The following TTC6 variants were observed in gnomAD, a reference collection of about 807,000 sequenced individuals.
The protein encoded by TTC6 is tetratricopeptide repeat domain 6.
Under a neutral mutation model 210.4 loss-of-function variants are expected in TTC6, and 172 were observed. That is an observed-to-expected ratio of 0.82 (90% CI 0.72 to 0.93). The LOEUF (loss-of-function observed/expected upper bound fraction) is 0.93, where lower values mean the gene tolerates loss of function less well. Ranked by LOEUF, TTC6 falls within the 40% of genes least tolerant of loss-of-function variation. TTC6 has a pLI of 0.00. For missense variants in TTC6, 2,414 were observed against 2,318.1 expected (o/e 1.04, Z -0.85); for synonymous variants, 804 against 819.6 (o/e 0.98, Z 0.32).
intron 20 of TTC6, among the ~76,000 whole-genome samples, chr14:37,797,503 T>G (rs1300606065): frequency 6.6e-6 from 1 of 152,026 alleles, no homozygotes; most frequent in Non-Finnish European, 1.5e-5. Flanking sequence ...TCTCTTGTTC[T>G]TACTGATTTT....
chr14:37,654,326 G>A (rs1366356760), intron 1 of TTC6, among the ~76,000 whole-genome samples: 1 of 152,038 alleles, frequency 6.6e-6, no homozygotes, highest in Non-Finnish European at 1.5e-5. Context: ...TCCGTGATGT[G>A]GTTGTTTCAC....
chr14:37,744,637 G>C (rs777438108), intron 10 of TTC6, among the ~76,000 whole-genome samples: 2 of 152,198 alleles, frequency 1.3e-5, no homozygotes, highest in Non-Finnish European at 2.9e-5. Context: ...TTGCAGGCCA[G>C]AGTAAATTTG....
intron 1 of TTC6, among the ~76,000 whole-genome samples, chr14:37,628,882 G>T (rs1470006037): frequency 6.6e-6 from 1 of 152,124 alleles, no homozygotes; most frequent in Non-Finnish European, 1.5e-5. Context: ...CCCACTGCTT[G>T]TTTTTGTCAG....
intron 14 of TTC6, among the ~76,000 whole-genome samples, chr14:37,759,020 C>T (rs555320648): frequency 6.6e-6 from 1 of 152,152 alleles, no homozygotes; most frequent in East Asian, 1.9e-4. Flanking sequence ...CGCCTGTAAT[C>T]CCAGCACTTT....
At chr14:37,653,296 G>C (rs1214398135) in intron 1 of TTC6, among the ~76,000 whole-genome samples, 2 of 152,158 alleles carry the variant, frequency 1.3e-5, no homozygotes, top group Non-Finnish European at 2.9e-5. Flanking sequence ...ATTTATTTGC[G>C]ATGGATCCTG....
At chr14:37,789,067 C>G (rs1432546367) in intron 15 of TTC6, among the ~76,000 whole-genome samples, 1 of 152,124 alleles carries the variant, frequency 6.6e-6, no homozygotes, top group South Asian at 2.1e-4. Context: ...AGCCTCCATC[C>G]TTTCCTACCA....
At chr14:37,671,101 A>G (rs930043190) in intron 1 of TTC6, among the ~76,000 whole-genome samples, 1 of 152,144 alleles carries the variant, frequency 6.6e-6, no homozygotes, top group African/African-American at 2.4e-5. Context: ...GCTTGTGTCA[A>G]GATCTTGTCT....
intron 1 of TTC6, among the ~76,000 whole-genome samples, chr14:37,651,693 G>A (rs921506101): frequency 6.6e-6 from 1 of 151,664 alleles, no homozygotes; most frequent in Non-Finnish European, 1.5e-5. Context: ...GGCTTGAGGC[G>A]GGCGGATGCT....
intron 1 of TTC6, among the ~76,000 whole-genome samples, chr14:37,644,250 T>C (rs1248332764): frequency 1.3e-5 from 2 of 152,096 alleles, no homozygotes; most frequent in Non-Finnish European, 2.9e-5. Flanking sequence ...ATTTCTGTCT[T>C]GTAAAAAAAG....
chr14:37,701,344 C>G, exon 5 of TTC6: 1 of 1,430,204 alleles, frequency 7.0e-7, no homozygotes, highest in Non-Finnish European at 9.1e-7. Context: ...TTCCACAAGA[C>G]TACTCCATGC....
At chr14:37,756,697 C>G (rs930872861) in intron 14 of TTC6, among the ~76,000 whole-genome samples, 2 of 152,010 alleles carry the variant, frequency 1.3e-5, no homozygotes, top group Non-Finnish European at 2.9e-5. Flanking sequence ...GGGATAAAGC[C>G]GACTCAGTCA....
At chr14:37,819,469 G>T (rs1054123287) in intron 26 of TTC6, among the ~76,000 whole-genome samples, 5 of 152,072 alleles carry the variant, frequency 3.3e-5, no homozygotes, top group African/African-American at 1.2e-4. Context: ...AGTATCCTTT[G>T]TATATCTCTG....
intron 5 of TTC6, among the ~76,000 whole-genome samples, chr14:37,711,345 T>C (rs1457473867): frequency 6.6e-6 from 1 of 152,154 alleles, no homozygotes; most frequent in African/African-American, 2.4e-5. Flanking sequence ...ATGCAGTATA[T>C]TGTGTAATGA....
intron 17 of TTC6, among the ~76,000 whole-genome samples, chr14:37,793,797 G>A (rs1240933347): frequency 6.6e-6 from 1 of 152,106 alleles, no homozygotes; most frequent in Admixed American, 6.5e-5. Flanking sequence ...ATAATTTGTG[G>A]TGCATTCACA....
chr14:37,753,147 CT>C lies in TTC6; in HGVS notation c.3179del (p.Leu1060ArgfsTer13), dbSNP rs2095957446. On this transcript the variant is annotated frameshift_variant, in exon 14 of 31. Coordinates refer to ENST00000553443, the Ensembl canonical transcript of TTC6. LOFTEE classifies it high-confidence loss of function. ...AACAGATGCATTATTGAAACGTGGG[CT>C]GTTTTATTGTGAAAATGAAAACTGG... 2.0e-6 allele frequency: 3 copies of C among 1,535,146 alleles called. No individual in the cohort carries two copies. Among genetic ancestry groups the C allele is most frequent in the Non-Finnish European group, 2.6e-6 (3 of 1,146,108 alleles).
At position 37,728,534 on chromosome 14, in the gene TTC6, G is replaced by C. The variant is rs1282022880; in HGVS notation, c.1818+3532G>C. Among the ~76,000 whole-genome samples the C allele has an allele frequency of 3.3e-5, 5 of 152,268 alleles. No individual in the cohort carries two copies. In the East Asian group the frequency reaches 9.6e-4, roughly 29 times the overall value. On this transcript the variant is annotated intron_variant, in intron 7 of 30. Coordinates refer to ENST00000553443, the Ensembl canonical transcript of TTC6. ...TCTCTTACTGATTTGAAATGGTCCAGTTTGGCCTATTCAGTGCTTGAATTC... is the reference window on the plus strand; with the variant it reads ...TCTCTTACTGATTTGAAATGGTCCACTTTGGCCTATTCAGTGCTTGAATTC...
intron 17 of TTC6, among the ~76,000 whole-genome samples, chr14:37,794,143 G>T (rs2096086785): frequency 1.3e-5 from 2 of 152,142 alleles, no homozygotes; most frequent in South Asian, 4.1e-4. Context: ...GACATGTATG[G>T]TTGGTAGAAC....
chr14:37,614,585 T>C (rs2095639600), intron 2 of TTC6, among the ~76,000 whole-genome samples: 2 of 152,190 alleles, frequency 1.3e-5, no homozygotes, highest in African/African-American at 4.8e-5. Context: ...CTCTTCTGCC[T>C]GAAGACCATT....
intron 1 of TTC6, among the ~76,000 whole-genome samples, chr14:37,630,971 TCC>T (rs2095668923): frequency 7.2e-6 from 1 of 138,202 alleles, no homozygotes; most frequent in East Asian, 2.4e-4. Flanking sequence ...TGGTATATAT[TCC>T]TCCATCCCTT....
Sources: allele counts gnomAD v4.1 joint callset (sites outside exome capture counted in the v4.1 genomes callset), GRCh38; gene constraint gnomAD v4.1.1; transcripts MANE v1.5; gene names NCBI Gene and HGNC (gene_info 2026-07-23, HGNC 2026-07-21).